CPEB1: variants seen among roughly 807,000 people sequenced by gnomAD.
The protein encoded by CPEB1 is cytoplasmic polyadenylation element binding protein 1.
Under a neutral mutation model 65.8 loss-of-function variants are expected in CPEB1, and 7 were observed. The ratio of observed to expected loss-of-function variants is 0.11; its 90% CI spans 0.06 to 0.20. CPEB1 has a LOEUF of 0.20. Among genes scored for constraint, CPEB1 ranks in the 10% least tolerant of loss-of-function variants. The pLI, the probability that CPEB1 is intolerant of heterozygous loss-of-function variation, is 1.00. For synonymous variants in CPEB1, 262 were observed against 260.0 expected, an observed-to-expected ratio of 1.01 and a Z score of -0.08; for missense variants, 551 against 712.2, an observed-to-expected ratio of 0.77 and a Z score of 2.58.
chr15:82,646,015 G>T (rs2047485882), intron 1 of CPEB1, among the ~76,000 whole-genome samples: 1 of 152,138 alleles, frequency 6.6e-6, no homozygotes, highest in South Asian at 2.1e-4. Context: ...CGTCCCCAGG[G>T]TTTTCCGACA....
At chr15:82,567,643 AAAAG>A (rs1200956672) in intron 4 of CPEB1, among the ~76,000 whole-genome samples, 1 of 152,006 alleles carries the variant, frequency 6.6e-6, no homozygotes, top group Non-Finnish European at 1.5e-5. Flanking sequence ...CTCAAAAAAA[AAAAG>A]AAAAGAAAAG....
At chr15:82,600,145 G>A (rs1160770785) in intron 3 of CPEB1, among the ~76,000 whole-genome samples, 1 of 152,114 alleles carries the variant, frequency 6.6e-6, no homozygotes, top group Non-Finnish European at 1.5e-5. Context: ...TGAAACATCA[G>A]AAAGCAAAGG....
chr15:82,547,061 A>G, intron 11 of CPEB1, 82 bp downstream of exon 11: 2 of 877,962 alleles, frequency 2.3e-6, no homozygotes, highest in Non-Finnish European at 3.7e-6. Context: ...AAACAGCTTC[A>G]GGTCTCAGGC....
chr15:82,560,463 A>C lies in CPEB1; in HGVS notation c.461-2477T>G, dbSNP rs184948851. 4.2e-3 allele frequency among the ~76,000 whole-genome samples: 622 copies of C among 146,946 alleles called. 2 individuals carry two copies. Among genetic ancestry groups the C allele is most frequent in the Non-Finnish European group, 6.5e-3 (437 of 67,442 alleles). On this transcript the variant is annotated intron_variant, in intron 4 of 12. Transcript: ENST00000684509. ...TGCCCAGGCTGGAGTGCAGTGGCTC[A>C]CTTCAACCTCAATCTTCCTGGGCTC...
intron 10 of CPEB1, among the ~76,000 whole-genome samples, chr15:82,548,316 AGAGT>A (rs752003304): frequency 2.0e-5 from 3 of 152,182 alleles, no homozygotes; most frequent in South Asian, 2.1e-4. Context: ...GCACGGCAAC[AGAGT>A]GAGACTCCAT....
Position 82,543,466 on chromosome 15 carries a change from A to ATTTT in CPEB1, c.*1125_*1126insAAAA, listed in dbSNP as rs1567159541. On this transcript the variant is annotated 3_prime_UTR_variant, in exon 13 of 13. Coordinates refer to ENST00000684509, the MANE Select transcript of CPEB1 (RefSeq NM_001365242.1). ...GTGGGTTTTTTGTTTCTTTTTAAAA[A>ATTTT]AAAAAAAAAAAAAAAAAAGGAAAGA... 2.0e-5 allele frequency: 3 copies of ATTTT among 148,338 alleles called. No individual in the cohort carries two copies. Among genetic ancestry groups the ATTTT allele is most frequent in the African/African-American group, 7.6e-5 (3 of 39,246 alleles). The allele number at this position is 148,338 out of a possible 1,614,324, so 9.2% of individuals were successfully genotyped here.
intron 3 of CPEB1, among the ~76,000 whole-genome samples, chr15:82,591,339 G>A (rs1460581283): frequency 2.0e-5 from 3 of 152,146 alleles, no homozygotes; most frequent in Admixed American, 6.5e-5. Context: ...TCGGCTCACC[G>A]CAACCTCTGC....
At chr15:82,557,708 C>A (rs2037472239) in intron 5 of CPEB1, 52 bp downstream of exon 5, 3 of 1,505,882 alleles carry the variant, frequency 2.0e-6, no homozygotes, top group Non-Finnish European at 2.8e-6. Flanking sequence ...TCCCCTTGGA[C>A]ACACACAGGC....
chr15:82,558,700 G>A lies in CPEB1; in HGVS notation c.461-714C>T, dbSNP rs1244807284. On this transcript the variant is annotated intron_variant, in intron 4 of 12. Coordinates refer to ENST00000684509, the MANE Select transcript of CPEB1 (RefSeq NM_001365242.1). ...CTCTGTTTTCTCACTGGCATTTAGG[G>A]TGGAGTATCAACTATTTCATGACAT... Among the ~76,000 whole-genome samples, 8 of 152,286 alleles carry A rather than the reference G, an allele frequency of 5.3e-5. No homozygotes were observed. In the East Asian group the frequency reaches 1.4e-3, roughly 26 times the overall value.
At chr15:82,643,745 C>CA (rs1450378408) in intron 1 of CPEB1, among the ~76,000 whole-genome samples, 1 of 152,126 alleles carries the variant, frequency 6.6e-6, no homozygotes, top group Non-Finnish European at 1.5e-5. Context: ...ATTGAAACCC[C>CA]AGCCCCTCAT....
intron 4 of CPEB1, among the ~76,000 whole-genome samples, chr15:82,559,625 G>A (rs2150987590): frequency 6.6e-6 from 1 of 152,312 alleles, no homozygotes; most frequent in East Asian, 1.9e-4. Context: ...AGCACATCCA[G>A]CAAGGAGTTA....
intron 3 of CPEB1, among the ~76,000 whole-genome samples, chr15:82,593,431 T>G (rs2567635): frequency 0.4 from 60,570 of 152,110 alleles, 12,121 homozygotes; most frequent in South Asian, 0.49. Context: ...ATCATGAGAT[T>G]GCAGCAAATT....
intron 10 of CPEB1, among the ~76,000 whole-genome samples, chr15:82,548,391 C>T (rs1010512950): frequency 6.6e-6 from 1 of 152,136 alleles, no homozygotes; most frequent in African/African-American, 2.4e-5. Context: ...AATGTGACAA[C>T]AGCTGTGTTT....
chr15:82,647,721 C>T, upstream of CPEB1: 2 of 778,906 alleles, frequency 2.6e-6, no homozygotes, highest in Non-Finnish European at 3.4e-6. Context: ...GGGCACGTGA[C>T]CGCGCCCCGC....
chr15:82,632,436 C>T (rs2046340483), intron 1 of CPEB1, among the ~76,000 whole-genome samples: 1 of 152,080 alleles, frequency 6.6e-6, no homozygotes, highest in Non-Finnish European at 1.5e-5. Flanking sequence ...TTGTGACATA[C>T]TGGTGTTCCA....
chr15:82,623,973 T>C (rs17158391), intron 3 of CPEB1, among the ~76,000 whole-genome samples: 10,397 of 152,258 alleles, frequency 0.068, 565 homozygotes, highest in African/African-American at 0.14. Context: ...ATGCTGTCCA[T>C]AAACAATCTT....
chr15:82,573,194 T>A (rs2040275070), intron 3 of CPEB1: 19 of 1,523,584 alleles, frequency 1.2e-5, no homozygotes, highest in Non-Finnish European at 1.7e-5. Context: ...CACTCAGGCA[T>A]AGCCTAGAAG....
In CPEB1 at chr15:82,553,567, A is replaced by T. The variant is rs1329768272; in HGVS notation, c.1055-11T>A. The T allele has an allele frequency of 6.3e-7, 1 of 1,594,108 alleles. No homozygotes were observed. The highest frequency in any genetic ancestry group is 1.7e-5 in the Admixed American group (1 of 59,544). On this transcript the variant is annotated splice_polypyrimidine_tract_variant and intron_variant, in intron 7 of 12. Coordinates refer to ENST00000684509, the MANE Select transcript of CPEB1 (RefSeq NM_001365242.1). ...TGTTAACTAATCCAGCTGCAAAGAG[A>T]CAGAAAAGAATGGCAGAAGCTGAGG...
chr15:82,635,873 G>A (rs1049685789), intron 1 of CPEB1, among the ~76,000 whole-genome samples: 1 of 152,144 alleles, frequency 6.6e-6, no homozygotes, highest in African/African-American at 2.4e-5. Context: ...AACACACAGA[G>A]AACAAGCACA....
Sources: gnomAD v4.1 joint callset for allele counts (sites outside exome capture counted in the v4.1 genomes callset) on GRCh38, gnomAD v4.1.1 for gene constraint, MANE v1.5 for transcripts, NCBI Gene and HGNC (gene_info 2026-07-23, HGNC 2026-07-21) for gene names.